The following PLCB4 variants were observed in gnomAD, a reference collection of about 807,000 sequenced individuals.
The protein encoded by PLCB4 is 1-phosphatidylinositol 4,5-bisphosphate phosphodiesterase beta-4.
PLCB4 carries 77 observed loss-of-function variants against 178.8 expected under a neutral mutation model. The ratio of observed to expected loss-of-function variants is 0.43; its 90% CI spans 0.36 to 0.52. PLCB4 has a LOEUF of 0.52. Ranked by LOEUF, PLCB4 falls within the 20% of genes least tolerant of loss-of-function variation. The pLI is 0.00. For missense variants in PLCB4, 1,024 were observed against 1,453.4 expected (o/e 0.70, Z 4.80); for synonymous variants, 496 against 490.8 (o/e 1.01, Z -0.14).
intron 32 of PLCB4, 105 bp downstream of exon 32, chr20:9,444,348 C>T (rs1454868816): frequency 1.5e-6 from 1 of 675,998 alleles, no homozygotes; most frequent in South Asian, 1.8e-5. Flanking sequence ...AGTAATAACT[C>T]ATTCTAACTG....
chr20:9,356,262 T>G (rs1236652596), intron 7 of PLCB4, among the ~76,000 whole-genome samples: 1 of 152,122 alleles, frequency 6.6e-6, no homozygotes, highest in Non-Finnish European at 1.5e-5. Flanking sequence ...ACTCTGATGG[T>G]AGTTTCTTTT....
intron 3 of PLCB4, among the ~76,000 whole-genome samples, chr20:9,261,945 G>A (rs539305299): frequency 6.6e-6 from 1 of 152,318 alleles, no homozygotes; most frequent in South Asian, 2.1e-4. Context: ...GCAGAAGGTT[G>A]CAGATTCCTT....
chr20:9,306,368 G>A (rs973365058), intron 3 of PLCB4, among the ~76,000 whole-genome samples: 2 of 149,394 alleles, frequency 1.3e-5, no homozygotes, highest in African/African-American at 4.9e-5. Context: ...CCCCCACCCC[G>A]GCCTCTCAAA....
intron 2 of PLCB4, among the ~76,000 whole-genome samples, chr20:9,163,105 A>G (rs2092915446): frequency 6.6e-6 from 1 of 152,152 alleles, no homozygotes; most frequent in Non-Finnish European, 1.5e-5. Context: ...GTACCAAGAG[A>G]TTGGAAGGGG....
intron 4 of PLCB4, among the ~76,000 whole-genome samples, chr20:9,325,693 C>G (rs947561810): frequency 6.6e-6 from 1 of 152,154 alleles, no homozygotes; most frequent in African/African-American, 2.4e-5. Flanking sequence ...GAATCCCTAG[C>G]TATTAGTGAC....
chr20:9,409,327 G>T, intron 24 of PLCB4, 146 bp downstream of exon 24: 2 of 478,164 alleles, frequency 4.2e-6, no homozygotes. Flanking sequence ...ATATAATGGT[G>T]AGAAATAAAA....
chr20:9,279,067 C>A (rs1386420439), intron 3 of PLCB4, among the ~76,000 whole-genome samples: 1 of 151,908 alleles, frequency 6.6e-6, no homozygotes, highest in Non-Finnish European at 1.5e-5. Context: ...TGGATGGCCT[C>A]AATTAAGCAA....
At chr20:9,307,494 T>TATATACACACACAC (rs1396442853) in intron 3 of PLCB4, among the ~76,000 whole-genome samples, 51 of 138,176 alleles carry the variant, frequency 3.7e-4, no homozygotes, top group African/African-American at 1.2e-3. Context: ...AAAAAAAGAA[T>TATATACACACACAC]ACACACACAC....
chr20:9,433,153 T>A (rs2041542741), intron 28 of PLCB4, among the ~76,000 whole-genome samples: 1 of 152,172 alleles, frequency 6.6e-6, no homozygotes, highest in Non-Finnish European at 1.5e-5. Flanking sequence ...GAGATGGAGT[T>A]GCCACCTCCT....
chr20:9,229,440 C>G (rs1177956006), intron 3 of PLCB4, among the ~76,000 whole-genome samples: 1 of 151,934 alleles, frequency 6.6e-6, no homozygotes, highest in African/African-American at 2.4e-5. Context: ...CCACATGTCT[C>G]CTGCTTGTGC....
At chr20:9,240,843 C>A (rs2094051764) in intron 3 of PLCB4, among the ~76,000 whole-genome samples, 11 of 152,114 alleles carry the variant, frequency 7.2e-5, no homozygotes, top group Non-Finnish European at 1.5e-5. Flanking sequence ...GTAACAAACA[C>A]AGAAGTTCAG....
intron 4 of PLCB4, among the ~76,000 whole-genome samples, chr20:9,334,071 TTGAA>T (rs149860651): frequency 0.059 from 9,009 of 152,094 alleles, 458 homozygotes; most frequent in African/African-American, 0.14. Context: ...AGACACAAGA[TTGAA>T]TGAAATCTAG....
chr20:9,281,614 C>A (rs528661867), intron 3 of PLCB4, among the ~76,000 whole-genome samples: 1 of 151,760 alleles, frequency 6.6e-6, no homozygotes, highest in East Asian at 1.9e-4. Flanking sequence ...ATTTTATTAC[C>A]TAAAACTGCT....
intron 2 of PLCB4, among the ~76,000 whole-genome samples, chr20:9,210,485 C>T (rs563161436): frequency 3.9e-5 from 6 of 152,108 alleles, no homozygotes; most frequent in South Asian, 2.1e-4. Context: ...ACATAGGTGA[C>T]GGAGTTGGCT....
chr20:9,187,448 G>A (rs562025943), intron 2 of PLCB4, among the ~76,000 whole-genome samples: 26 of 152,222 alleles, frequency 1.7e-4, no homozygotes, highest in Admixed American at 8.5e-4. Flanking sequence ...TTCTGTTTTC[G>A]TGGTGTGCGT....
At chr20:9,225,385 G>GT (rs2093850936) in intron 3 of PLCB4, among the ~76,000 whole-genome samples, 1 of 152,186 alleles carries the variant, frequency 6.6e-6, no homozygotes, top group Non-Finnish European at 1.5e-5. Context: ...TTAAAAGGTT[G>GT]TATTAGCATT....
intron 3 of PLCB4, among the ~76,000 whole-genome samples, chr20:9,245,031 G>A (rs1357017821): frequency 6.6e-6 from 1 of 152,078 alleles, no homozygotes; most frequent in Non-Finnish European, 1.5e-5. Context: ...CACACCTCTG[G>A]GAGTTGGCCA....
chr20:9,219,475 C>CT (rs1418745022), intron 3 of PLCB4, among the ~76,000 whole-genome samples: 1 of 151,766 alleles, frequency 6.6e-6, no homozygotes, highest in Non-Finnish European at 1.5e-5. Context: ...AAAAAAAAAA[C>CT]TTTTACAGAG....
At chr20:9,469,778 C>T (rs1445752524) in intron 36 of PLCB4, among the ~76,000 whole-genome samples, 1 of 152,186 alleles carries the variant, frequency 6.6e-6, no homozygotes, top group Admixed American at 6.5e-5. Context: ...AGTGCAAGCC[C>T]TTTAGACACA....
Sources: allele counts gnomAD v4.1 joint callset (sites outside exome capture counted in the v4.1 genomes callset), GRCh38; gene constraint gnomAD v4.1.1; transcripts MANE v1.5; gene names NCBI Gene and HGNC (gene_info 2026-07-23, HGNC 2026-07-21).